BLTP1: variants seen among roughly 807,000 people sequenced by gnomAD.
BLTP1 encodes the protein fragile site-associated protein.
the BLTP1 span, among the ~76,000 whole-genome samples, chr4:122,268,824 C>T: frequency 1.3e-5 from 2 of 152,160 alleles, no homozygotes; most frequent in Non-Finnish European, 2.9e-5. Flanking sequence ...AATAGGTATG[C>T]TTCAACTAAT....
the BLTP1 span, chr4:122,315,825 A>G: frequency 4.2e-5 from 31 of 739,316 alleles, no homozygotes; most frequent in Admixed American, 6.2e-4. Context: ...CACTGTGTCT[A>G]CATTTCATAA....
chr4:122,227,015 A>G, the BLTP1 span: 1 of 561,484 alleles, frequency 1.8e-6, no homozygotes, highest in Non-Finnish European at 2.7e-6. Flanking sequence ...AAAATATGAG[A>G]TAATTATTAA....
the BLTP1 span, among the ~76,000 whole-genome samples, chr4:122,259,462 C>T: frequency 6.6e-6 from 1 of 152,136 alleles, no homozygotes; most frequent in Non-Finnish European, 1.5e-5. Flanking sequence ...ATATCTGACC[C>T]TTAATGAATC....
chr4:122,227,037 T>C, the BLTP1 span: 1 of 554,182 alleles, frequency 1.8e-6, no homozygotes, highest in Admixed American at 4.5e-5. Context: ...ACATACAAAT[T>C]AAAAAAGAAA....
chr4:122,327,666 A>G, the BLTP1 span, among the ~76,000 whole-genome samples: 1 of 150,494 alleles, frequency 6.6e-6, no homozygotes, highest in Non-Finnish European at 1.5e-5. Context: ...AGATCCACAA[A>G]AAGCATCTAC....
chr4:122,176,620 ATTTAC>A, the BLTP1 span, among the ~76,000 whole-genome samples: 1 of 152,100 alleles, frequency 6.6e-6, no homozygotes, highest in Non-Finnish European at 1.5e-5. Flanking sequence ...TTTATGAGTA[ATTTAC>A]TTGTTAAACA....
the BLTP1 span, chr4:122,298,313 T>A: frequency 1.7e-6 from 1 of 592,962 alleles, no homozygotes; most frequent in Non-Finnish European, 2.1e-6. Context: ...TGCTCTTGCC[T>A]ATAGAGCCAA....
the BLTP1 span, among the ~76,000 whole-genome samples, chr4:122,185,748 G>A: frequency 6.6e-6 from 1 of 151,782 alleles, no homozygotes; most frequent in Non-Finnish European, 1.5e-5. Flanking sequence ...CTCTTTAAGT[G>A]GTACTTTACT....
chr4:122,263,717 A>G, the BLTP1 span: 1 of 610,258 alleles, frequency 1.6e-6, no homozygotes, highest in African/African-American at 1.9e-5. Context: ...AAATTGGTCC[A>G]TTTATATTTT....
the BLTP1 span, among the ~76,000 whole-genome samples, chr4:122,297,785 T>G: frequency 6.6e-6 from 1 of 152,170 alleles, no homozygotes; most frequent in African/African-American, 2.4e-5. Flanking sequence ...GAAGCCGTTA[T>G]CCCCAGCATA....
the BLTP1 span, chr4:122,286,704 G>A: frequency 4.0e-5 from 64 of 1,613,872 alleles, no homozygotes; most frequent in African/African-American, 7.9e-4. Flanking sequence ...ATAGTTATTC[G>A]GATCAGGTGT....
At chr4:122,194,618 T>A in the BLTP1 span, 1 of 979,762 alleles carries the variant, frequency 1.0e-6, no homozygotes, top group Non-Finnish European at 1.2e-6. Flanking sequence ...ATGTATTGTT[T>A]GCGAAGAAAA....
the BLTP1 span, among the ~76,000 whole-genome samples, chr4:122,157,425 G>C: frequency 2.0e-5 from 3 of 152,092 alleles, no homozygotes; most frequent in Non-Finnish European, 4.4e-5. Flanking sequence ...TGGGGTTGGT[G>C]GGGGGATGGT....
the BLTP1 span, chr4:122,263,735 C>G: frequency 3.6e-6 from 2 of 561,538 alleles, no homozygotes; most frequent in African/African-American, 1.9e-5. Flanking sequence ...TTTTAAATGC[C>G]TTTGATAATA....
the BLTP1 span, among the ~76,000 whole-genome samples, chr4:122,312,020 C>T: frequency 6.6e-6 from 1 of 152,016 alleles, no homozygotes; most frequent in African/African-American, 2.4e-5. Flanking sequence ...TTTATATATT[C>T]ATCTTTTAAG....
chr4:122,354,036 T>G, the BLTP1 span: 1 of 1,606,800 alleles, frequency 6.2e-7, no homozygotes, highest in Non-Finnish European at 8.5e-7. Context: ...TTTGAGTCTT[T>G]GGAGAGATTT....
At chr4:122,264,463 C>T in the BLTP1 span, 2 of 1,523,550 alleles carry the variant, frequency 1.3e-6, no homozygotes, top group South Asian at 2.7e-5. Context: ...TATAATAATA[C>T]CTCCTTAGGC....
chr4:122,254,130 G>T, the BLTP1 span: 1 of 1,472,734 alleles, frequency 6.8e-7, no homozygotes, highest in Non-Finnish European at 9.3e-7. Flanking sequence ...TAAAACATTA[G>T]CCTCTGTGTT....
the BLTP1 span, chr4:122,289,214 T>C: frequency 5.3e-5 from 80 of 1,520,910 alleles, no homozygotes; most frequent in East Asian, 1.8e-3. Flanking sequence ...TAGTACCTTA[T>C]AGTATAGGTG....
Sources: gnomAD v4.1 joint callset for allele counts (sites outside exome capture counted in the v4.1 genomes callset) on GRCh38, gnomAD v4.1.1 for gene constraint, MANE v1.5 for transcripts, NCBI Gene and HGNC (gene_info 2026-07-23, HGNC 2026-07-21) for gene names.